CWH43: variants seen among roughly 807,000 people sequenced by gnomAD.
CWH43 encodes the protein cell wall biogenesis 43 C-terminal homolog, also known as PGAP2-interacting protein.
CWH43 carries 91 observed loss-of-function variants against 85.7 expected under a neutral mutation model. The ratio of observed to expected loss-of-function variants is 1.06; its 90% CI spans 0.90 to 1.26. The LOEUF is 1.26. Among genes scored for constraint, CWH43 ranks in the 50% most tolerant of loss-of-function variants. The pLI is 0.00. For missense variants in CWH43, 869 were observed against 839.2 expected, an observed-to-expected ratio of 1.04 and a Z score of -0.44; for synonymous variants, 323 against 293.6, an observed-to-expected ratio of 1.10 and a Z score of -1.02.
intron 15 of CWH43, among the ~76,000 whole-genome samples, chr4:49,055,725 G>C (rs573591331): frequency 6.6e-6 from 1 of 151,758 alleles, no homozygotes; most frequent in Non-Finnish European, 1.5e-5. Flanking sequence ...GAGTAGCTGC[G>C]ATTATAGGCG....
At chr4:49,035,646 A>G (rs574744046) in intron 12 of CWH43, among the ~76,000 whole-genome samples, 3 of 152,318 alleles carry the variant, frequency 2.0e-5, no homozygotes, top group African/African-American at 7.2e-5. Context: ...AAATATTAAC[A>G]GATAAGAAAA....
rs1176129152 is a variant in CWH43 at position 49,054,519 on chromosome 4, G to C, written c.2021+3670G>C. On this transcript the variant is annotated intron_variant, in intron 15 of 15. Coordinates refer to ENST00000226432, the MANE Select transcript of CWH43 (RefSeq NM_025087.3). Reference sequence around the variant, plus strand: ...TTTTGTGGTCTTATACAAATTTTAGGGTTGATTTTTCTATTCCTGTGAAAA... The same window carrying C: ...TTTTGTGGTCTTATACAAATTTTAGCGTTGATTTTTCTATTCCTGTGAAAA... Among the ~76,000 whole-genome samples, 5 of 152,066 alleles carry C rather than the reference G, an allele frequency of 3.3e-5. No individual in the cohort carries two copies. In the East Asian group the frequency reaches 9.6e-4, roughly 29 times the overall value.
intron 15 of CWH43, among the ~76,000 whole-genome samples, chr4:49,053,297 A>T (rs1263132878): frequency 2.6e-5 from 4 of 152,182 alleles, no homozygotes; most frequent in Admixed American, 1.3e-4. Flanking sequence ...TTTCCTTTGG[A>T]TGTATACCAA....
rs1423195806 is a variant in CWH43, at chr4:49,007,334, T to C, written c.1186+8T>C. On this transcript the variant is annotated splice_region_variant and intron_variant, in intron 8 of 15. Coordinates refer to ENST00000226432, the MANE Select transcript of CWH43 (RefSeq NM_025087.3). ...AAAAATACATGAAACTTTGTAAGTATAGTTTTACATTCTTAAAAAAAATTA... is the reference window on the plus strand; with the variant it reads ...AAAAATACATGAAACTTTGTAAGTACAGTTTTACATTCTTAAAAAAAATTA... The C allele has an allele frequency of 6.4e-7, 1 of 1,558,536 alleles. No individual in the cohort carries two copies. The highest frequency in any genetic ancestry group is 8.6e-7 in the Non-Finnish European group (1 of 1,159,074).
chr4:49,019,313 G>T lies in CWH43; in HGVS notation c.1266+1985G>T, dbSNP rs1783663305. Among the ~76,000 whole-genome samples the T allele has an allele frequency of 2.0e-5, 3 of 152,108 alleles. 1 individual carries two copies. The South Asian group carries it at 6.2e-4, about 31-fold the overall frequency. On this transcript the variant is annotated intron_variant, in intron 9 of 15. Coordinates refer to ENST00000226432, the MANE Select transcript of CWH43 (RefSeq NM_025087.3). ...TGTCTGAGGAGGTGACATTTGAGATGAAATTTGCAAGTTGAGAAAAAAGTT... is the reference window on the plus strand; with the variant it reads ...TGTCTGAGGAGGTGACATTTGAGATTAAATTTGCAAGTTGAGAAAAAAGTT...
At chr4:49,001,047 A>C (rs1782974185) in intron 6 of CWH43, among the ~76,000 whole-genome samples, 3 of 152,188 alleles carry the variant, frequency 2.0e-5, no homozygotes, top group Admixed American at 2.0e-4. Context: ...TGGCCAAAGA[A>C]ATCCTGTTTT....
At chr4:49,061,765 T>A in intron 15 of CWH43, 47 bp from the exon 16 acceptor site, 5 of 1,254,948 alleles carry the variant, frequency 4.0e-6, no homozygotes, top group Non-Finnish European at 5.2e-6. Flanking sequence ...CCTTTCTGAA[T>A]GGTTTTTACA....
intron 7 of CWH43, 120 bp downstream of exon 7, chr4:49,004,112 T>A (rs955240275): frequency 1.2e-6 from 1 of 845,942 alleles, no homozygotes; most frequent in African/African-American, 1.7e-5. Flanking sequence ...GCTTTCTTGG[T>A]AAAATAGACT....
intron 2 of CWH43, among the ~76,000 whole-genome samples, chr4:48,988,950 T>C (rs1478203494): frequency 6.6e-6 from 1 of 152,216 alleles, no homozygotes; most frequent in South Asian, 2.1e-4. Flanking sequence ...GAATACATTG[T>C]GTTTTTCTTT....
At chr4:48,991,418 G>C in intron 2 of CWH43, 36 bp from the exon 3 acceptor site, 1 of 1,612,018 alleles carries the variant, frequency 6.2e-7, no homozygotes, top group Non-Finnish European at 8.5e-7. Context: ...ATCCATACTT[G>C]CCAGAAATGC....
chr4:49,027,195 A>G (rs1783942969), intron 9 of CWH43, among the ~76,000 whole-genome samples: 2 of 152,178 alleles, frequency 1.3e-5, no homozygotes, highest in South Asian at 4.1e-4. Flanking sequence ...TGCTGGTGTA[A>G]TGGAAGTAGA....
In CWH43 at chr4:48,986,467, T is replaced by G; in HGVS notation, c.38T>G (p.Leu13Arg). The change falls in exon 1 of 16, where the codon CTG (leucine) becomes CGG (arginine). Residue 13 changes from leucine to arginine, a missense_variant. Leu to Arg is a moderately radical substitution (Grantham distance 102, BLOSUM62 -2). Around this residue, in one of 3 missense-constraint regions of CWH43, gnomAD observed 140 missense variants for 122.6 expected, o/e 1.14. Transcript: ENST00000226432. ...SLWREILLES[L>R]LGCVSWSLYH... is the part of the protein sequence containing the mutation. ...TGGAGAGAAATCCTCTTGGAGTCGCTGCTGGGTAAGCCGAAGCCCCTCGCC... is the reference window on the plus strand; with the variant it reads ...TGGAGAGAAATCCTCTTGGAGTCGCGGCTGGGTAAGCCGAAGCCCCTCGCC... The G allele has an allele frequency of 6.5e-7, 1 of 1,549,680 alleles. No individual in the cohort carries two copies.
chr4:49,052,491 T>A (rs1369229736), intron 15 of CWH43, among the ~76,000 whole-genome samples: 2 of 152,172 alleles, frequency 1.3e-5, no homozygotes, highest in African/African-American at 4.8e-5. Flanking sequence ...GCAGTAGTAA[T>A]GGTAGAAGTA....
chr4:49,000,518 T>C (rs1398439645), intron 6 of CWH43, among the ~76,000 whole-genome samples: 1 of 152,236 alleles, frequency 6.6e-6, no homozygotes, highest in Non-Finnish European at 1.5e-5. Flanking sequence ...TTGTCAGTGC[T>C]GAGTTTGCAT....
intron 14 of CWH43, among the ~76,000 whole-genome samples, chr4:49,046,033 G>C (rs191887267): frequency 8.6e-5 from 13 of 151,944 alleles, no homozygotes; most frequent in African/African-American, 2.9e-4. Flanking sequence ...CCCATTGCTG[G>C]TAACCACTAT....
At position 49,051,277 on chromosome 4, in the gene CWH43, T is replaced by C. The variant is rs184644345; in HGVS notation, c.2021+428T>C. 7.6e-3 allele frequency among the ~76,000 whole-genome samples: 1,163 copies of C among 152,322 alleles called. 22 individuals carry two copies. Among genetic ancestry groups the C allele is most frequent in the Middle Eastern group, 0.014 (4 of 294 alleles). ...CTCAAGCTTAAGAACATGAAGTAAC[T>C]TCACTGGGGTCACATGGCTAGTGAG... On this transcript the variant is annotated intron_variant, in intron 15 of 15. Transcript: ENST00000226432.
chr4:49,042,692 C>T (rs538120997), intron 13 of CWH43, among the ~76,000 whole-genome samples: 10 of 152,064 alleles, frequency 6.6e-5, no homozygotes, highest in African/African-American at 2.2e-4. Flanking sequence ...CAAATAAAGC[C>T]CTGATGAAGT....
Position 48,992,276 on chromosome 4 carries a change from T to A in CWH43, c.511+186T>A, listed in dbSNP as rs1214997994. On this transcript the variant is annotated intron_variant, in intron 4 of 15. Transcript: ENST00000226432. This position sits in a 1 kb window ranked among gnomAD's most constrained non-coding sequence, Gnocchi z 4.3. ...TATTTGCTAAGCAGGAGGCACATTT[T>A]CCTTGCCTGTACAGACAGAGGGTGA... Among the ~76,000 whole-genome samples, 1 of 152,252 alleles carries A rather than the reference T, an allele frequency of 6.6e-6. No homozygotes were observed. The highest frequency in any genetic ancestry group is 1.9e-4 in the East Asian group (1 of 5,198).
intron 8 of CWH43, among the ~76,000 whole-genome samples, chr4:49,011,621 G>A (rs116463524): frequency 0.023 from 3,484 of 152,156 alleles, 76 homozygotes; most frequent in Non-Finnish European, 0.031. Flanking sequence ...TGCAGGTACC[G>A]GTTGTTCCTG....
Sources: gnomAD v4.1 joint callset for allele counts (sites outside exome capture counted in the v4.1 genomes callset) on GRCh38, gnomAD v4.1.1 for gene constraint, gnomAD v4.1.1 regional missense constraint, Gnocchi (gnomAD v3.1) non-coding constraint, MANE v1.5 for transcripts, NCBI Gene and HGNC (gene_info 2026-07-23, HGNC 2026-07-21) for gene names.